SNTG1: variants seen among roughly 807,000 people sequenced by gnomAD.
SNTG1 encodes gamma-1-syntrophin.
Under a neutral mutation model 74.7 loss-of-function variants are expected in SNTG1, and 39 were observed. That is an observed-to-expected ratio of 0.52 (90% CI 0.40 to 0.68). The LOEUF (loss-of-function observed/expected upper bound fraction) is 0.68, where lower values mean the gene tolerates loss of function less well. Ranked by LOEUF, SNTG1 falls within the 30% of genes least tolerant of loss-of-function variation. The probability of loss-of-function intolerance (pLI) is 0.00; values close to 1 mark genes in which losing one functional copy is unlikely to be tolerated. For synonymous variants in SNTG1, 254 were observed against 217.1 expected (o/e 1.17, Z -1.49); for missense variants, 685 against 609.5 (o/e 1.12, Z -1.30).
At chr8:50,477,372 C>T (rs558137121) in intron 8 of SNTG1, among the ~76,000 whole-genome samples, 2 of 152,032 alleles carry the variant, frequency 1.3e-5, no homozygotes, top group South Asian at 4.2e-4. Context: ...TTTCTGTGGT[C>T]CCCTTCCCCA....
chr8:50,290,679 C>T (rs1239137678), intron 2 of SNTG1, among the ~76,000 whole-genome samples: 1 of 152,132 alleles, frequency 6.6e-6, no homozygotes, highest in Admixed American at 6.6e-5. Context: ...TTCTTGAGGA[C>T]AAAATCTAGT....
Position 50,259,508 on chromosome 8 carries a change from AAAAGAAAG to A in SNTG1, c.-28+86931_-28+86938del, listed in dbSNP as rs555536386. Among the ~76,000 whole-genome samples the A allele has an allele frequency of 9.1e-3, 143 of 15,756 alleles. 10 individuals carry two copies. The highest frequency in any genetic ancestry group is 0.013 in the South Asian group (2 of 150). 10.3% of individuals were successfully genotyped at this position (15,756 alleles called of 152,430 possible). ...AGAGAGACGCTGTCTCAAAAAAAAA[AAAAGAAAG>A]AAAGAAAGAAAGAAAGAAAGAAAGA... On this transcript the variant is annotated intron_variant, in intron 2 of 18. Coordinates refer to ENST00000642720, the MANE Select transcript of SNTG1 (RefSeq NM_018967.5).
intron 2 of SNTG1, among the ~76,000 whole-genome samples, chr8:50,332,537 A>G (rs189868510): frequency 2.0e-5 from 3 of 152,308 alleles, no homozygotes; most frequent in Admixed American, 2.0e-4. Flanking sequence ...ATATTAAAAT[A>G]CATGGAATCG....
intron 1 of SNTG1, among the ~76,000 whole-genome samples, chr8:50,150,012 T>C (rs62516675): frequency 6.6e-6 from 1 of 152,122 alleles, no homozygotes; most frequent in Non-Finnish European, 1.5e-5. Context: ...GATATTGATT[T>C]TTCCTATCCA....
intron 2 of SNTG1, among the ~76,000 whole-genome samples, chr8:50,189,149 T>A (rs2131768156): frequency 6.6e-6 from 1 of 152,210 alleles, no homozygotes; most frequent in Admixed American, 6.5e-5. Flanking sequence ...ATTTTGACAA[T>A]CTCCAGGCCA....
intron 12 of SNTG1, among the ~76,000 whole-genome samples, chr8:50,586,487 G>A (rs1360312870): frequency 1.3e-5 from 2 of 152,072 alleles, no homozygotes; most frequent in Non-Finnish European, 2.9e-5. Flanking sequence ...AGCCTCCTTG[G>A]ATTGTTTGGA....
intron 12 of SNTG1, among the ~76,000 whole-genome samples, chr8:50,555,235 T>C (rs919167272): frequency 6.6e-6 from 1 of 152,216 alleles, no homozygotes; most frequent in Non-Finnish European, 1.5e-5. Flanking sequence ...CTGTTGCATA[T>C]TAAAAGTTAT....
intron 15 of SNTG1, among the ~76,000 whole-genome samples, chr8:50,667,116 C>T (rs956073092): frequency 5.9e-5 from 9 of 151,750 alleles, no homozygotes; most frequent in South Asian, 2.1e-4. Context: ...TAAGGTATAA[C>T]GGAAGATAAT....
chr8:50,722,363 CG>C (rs1450343612), intron 17 of SNTG1, among the ~76,000 whole-genome samples: 4 of 151,804 alleles, frequency 2.6e-5, no homozygotes, highest in South Asian at 2.1e-4. Flanking sequence ...TTAATAGAGA[CG>C]GGGTTTTTAC....
chr8:50,711,811 A>C (rs1156244971), intron 17 of SNTG1, among the ~76,000 whole-genome samples: 1 of 152,162 alleles, frequency 6.6e-6, no homozygotes, highest in Admixed American at 6.6e-5. Flanking sequence ...ACTGTTGCTG[A>C]GTGATTCCCT....
intron 2 of SNTG1, among the ~76,000 whole-genome samples, chr8:50,324,486 G>A (rs948500093): frequency 1.4e-4 from 22 of 152,064 alleles, no homozygotes; most frequent in African/African-American, 5.3e-4. Flanking sequence ...GCATGTGGTT[G>A]GTTGTTAAAA....
chr8:50,435,212 C>G (rs1466244800), intron 4 of SNTG1, among the ~76,000 whole-genome samples: 4 of 151,954 alleles, frequency 2.6e-5, no homozygotes, highest in Non-Finnish European at 5.9e-5. Context: ...GGGCTCAATC[C>G]TTTGCATTTT....
At chr8:49,919,110 C>G (rs1806303067) in intron 1 of SNTG1, among the ~76,000 whole-genome samples, 1 of 152,052 alleles carries the variant, frequency 6.6e-6, no homozygotes, top group East Asian at 1.9e-4. Flanking sequence ...CTGTTTCTGT[C>G]TGTCTCTTTT....
At chr8:50,396,218 A>G (rs1028071600) in intron 3 of SNTG1, among the ~76,000 whole-genome samples, 5 of 152,210 alleles carry the variant, frequency 3.3e-5, no homozygotes, top group African/African-American at 9.6e-5. Flanking sequence ...AACAATATAG[A>G]AGAGGAAATT....
intron 14 of SNTG1, 61 bp from the exon 15 acceptor site, chr8:50,658,531 C>G (rs547853472): frequency 1.1e-5 from 13 of 1,228,808 alleles, no homozygotes; most frequent in Non-Finnish European, 1.5e-5. Context: ...TTATGCAAAT[C>G]AAATACAGTG....
intron 13 of SNTG1, among the ~76,000 whole-genome samples, chr8:50,605,881 T>G (rs2094808572): frequency 6.6e-6 from 1 of 152,208 alleles, no homozygotes. Flanking sequence ...TAAAAACATC[T>G]GTCATATTTT....
intron 12 of SNTG1, among the ~76,000 whole-genome samples, chr8:50,586,840 G>A (rs937965281): frequency 2.6e-5 from 4 of 151,502 alleles, no homozygotes; most frequent in African/African-American, 9.7e-5. Flanking sequence ...ACAATGGAGA[G>A]CTTCGTTAAA....
intron 13 of SNTG1, among the ~76,000 whole-genome samples, chr8:50,632,244 T>C (rs908276698): frequency 3.3e-5 from 5 of 151,980 alleles, no homozygotes; most frequent in Admixed American, 3.3e-4. Context: ...GATAAAATGA[T>C]AAATATCATG....
In SNTG1 at chr8:50,470,538, A is replaced by C. The variant is rs188623243; in HGVS notation, c.363+19809A>C. 1.8e-3 allele frequency among the ~76,000 whole-genome samples: 276 copies of C among 152,068 alleles called. 2 individuals are homozygous for C. The highest frequency in any genetic ancestry group is 6.1e-3 in the African/African-American group (254 of 41,502). The stretch of plus-strand genomic sequence containing the variant: ...TCGTAGTGAGTGTTACAGCTCTTAA[A>C]GGTGGCGCGTCCAGAGTTGTTTGTT... On this transcript the variant is annotated intron_variant, in intron 8 of 18. Coordinates refer to ENST00000642720, the MANE Select transcript of SNTG1 (RefSeq NM_018967.5).
Sources: allele counts gnomAD v4.1 joint callset (sites outside exome capture counted in the v4.1 genomes callset), GRCh38; gene constraint gnomAD v4.1.1; transcripts MANE v1.5; gene names NCBI Gene and HGNC (gene_info 2026-07-23, HGNC 2026-07-21).